The following TBC1D5 variants were observed in gnomAD, a reference collection of about 807,000 sequenced individuals.
TBC1D5 encodes the protein TBC1 domain family member 5.
A neutral mutation model predicts 100.3 loss-of-function variants in TBC1D5; 75 were observed. The observed-to-expected ratio is 0.75, with a 90% confidence interval of 0.62 to 0.91. The LOEUF (loss-of-function observed/expected upper bound fraction) is 0.91, where lower values mean the gene tolerates loss of function less well. Ranked by LOEUF, TBC1D5 falls within the 40% of genes least tolerant of loss-of-function variation. The probability of loss-of-function intolerance (pLI) is 0.00; values close to 1 mark genes in which losing one functional copy is unlikely to be tolerated. For synonymous variants in TBC1D5, 323 were observed against 325.6 expected, an observed-to-expected ratio of 0.99 and a Z score of 0.09; for missense variants, 910 against 942.4, an observed-to-expected ratio of 0.97 and a Z score of 0.45.
At chr3:17,587,318 T>C (rs2096738935) in intron 2 of TBC1D5, among the ~76,000 whole-genome samples, 1 of 152,004 alleles carries the variant, frequency 6.6e-6, no homozygotes, top group African/African-American at 2.4e-5. Flanking sequence ...CTATTAGTTC[T>C]TAAGCTTCAA....
At chr3:17,348,736 C>A (rs1367990975) in intron 13 of TBC1D5, among the ~76,000 whole-genome samples, 2 of 152,118 alleles carry the variant, frequency 1.3e-5, no homozygotes, top group Non-Finnish European at 2.9e-5. Flanking sequence ...CCCATTCCTA[C>A]CAGAGATACC....
chr3:17,275,922 T>C (rs2079951309), intron 15 of TBC1D5, among the ~76,000 whole-genome samples: 1 of 152,224 alleles, frequency 6.6e-6, no homozygotes, highest in Non-Finnish European at 1.5e-5. Flanking sequence ...TCCATGGAGA[T>C]CTATGATTCT....
At position 17,387,190 on chromosome 3, in the gene TBC1D5, G is replaced by A. The variant is rs192079669; in HGVS notation, c.510-3175C>T. 4.8e-4 allele frequency among the ~76,000 whole-genome samples: 73 copies of A among 152,214 alleles called. 1 individual carries two copies. Among genetic ancestry groups the A allele is most frequent in the Non-Finnish European group, 1.9e-4 (13 of 67,976 alleles). On this transcript the variant is annotated intron_variant, in intron 8 of 21. Coordinates refer to ENST00000253692, the Ensembl canonical transcript of TBC1D5. Reference sequence around the variant, plus strand: ...TAAAGTTTTCAAAACTATTTCAAAAGTTGGAAAAAGAACTGAAAATCAGAG... The same window carrying A: ...TAAAGTTTTCAAAACTATTTCAAAAATTGGAAAAAGAACTGAAAATCAGAG...
chr3:17,314,511 TG>T (rs2084425532), intron 13 of TBC1D5, among the ~76,000 whole-genome samples: 1 of 152,164 alleles, frequency 6.6e-6, no homozygotes, highest in Admixed American at 6.5e-5. Context: ...GTTCCCTGCA[TG>T]CCCATACCTC....
intron 1 of TBC1D5, among the ~76,000 whole-genome samples, chr3:17,678,189 C>A (rs1009042048): frequency 1.3e-5 from 2 of 152,050 alleles, no homozygotes; most frequent in Non-Finnish European, 2.9e-5. Flanking sequence ...AAAAATAAGA[C>A]AATTCCTGTT....
chr3:17,457,038 G>T (rs1349941018), intron 3 of TBC1D5, among the ~76,000 whole-genome samples: 3 of 152,012 alleles, frequency 2.0e-5, no homozygotes, highest in African/African-American at 7.2e-5. Context: ...ATTTTGGGGG[G>T]TAGAATCTTT....
At chr3:17,308,547 A>C (rs1391660427) in intron 13 of TBC1D5, among the ~76,000 whole-genome samples, 1 of 152,152 alleles carries the variant, frequency 6.6e-6, no homozygotes, top group East Asian at 1.9e-4. Context: ...CCCTTCTGCA[A>C]ATATTTGTAT....
intron 2 of TBC1D5, among the ~76,000 whole-genome samples, chr3:17,522,259 A>G (rs999472876): frequency 6.6e-6 from 1 of 152,246 alleles, no homozygotes; most frequent in African/African-American, 2.4e-5. Flanking sequence ...AGATTTGTAC[A>G]CATGTAAACT....
chr3:17,557,115 T>C (rs905897152), intron 2 of TBC1D5, among the ~76,000 whole-genome samples: 4 of 152,318 alleles, frequency 2.6e-5, no homozygotes, highest in Non-Finnish European at 2.9e-5. Flanking sequence ...GTTTAACCGA[T>C]TGGTCAAGGA....
intron 1 of TBC1D5, among the ~76,000 whole-genome samples, chr3:17,721,138 G>A (rs1333183486): frequency 6.6e-6 from 1 of 151,800 alleles, no homozygotes; most frequent in Admixed American, 6.6e-5. Context: ...ACCACACCCC[G>A]CCGAGACTGT....
At chr3:17,649,874 C>G (rs1402750472) in intron 1 of TBC1D5, among the ~76,000 whole-genome samples, 2 of 152,138 alleles carry the variant, frequency 1.3e-5, no homozygotes, top group African/African-American at 2.4e-5. Flanking sequence ...TTCACAATAG[C>G]AAAGACTTGG....
At chr3:17,207,542 C>T (rs1232557096) in intron 18 of TBC1D5, among the ~76,000 whole-genome samples, 2 of 152,084 alleles carry the variant, frequency 1.3e-5, no homozygotes, top group South Asian at 2.1e-4. Context: ...TAATTGTTAC[C>T]TCTTTAAAGA....
chr3:17,703,181 A>T (rs2073449577), intron 1 of TBC1D5, among the ~76,000 whole-genome samples: 1 of 152,128 alleles, frequency 6.6e-6, no homozygotes, highest in Admixed American at 6.6e-5. Context: ...AACCATTCTG[A>T]TATAAAGAAA....
chr3:17,182,095 T>G (rs1453255674), intron 19 of TBC1D5, among the ~76,000 whole-genome samples: 1 of 152,220 alleles, frequency 6.6e-6, no homozygotes, highest in African/African-American at 2.4e-5. Context: ...TTAATCTTCG[T>G]GTTTTCCTTG....
chr3:17,320,385 T>C (rs971118749), intron 13 of TBC1D5, among the ~76,000 whole-genome samples: 6 of 152,182 alleles, frequency 3.9e-5, no homozygotes, highest in Admixed American at 6.5e-5. Flanking sequence ...TTCAGCAATC[T>C]GTATTTTAAA....
chr3:17,191,791 T>TA lies in TBC1D5; in HGVS notation c.1753-6584dup, dbSNP rs201162506. ...GCTACCACACCCGGCTTTTTTTTTT[T>TA]AAATATATTTTTAGTAGAGATGGGG... On this transcript the variant is annotated intron_variant, in intron 18 of 21. Transcript: ENST00000253692. Among the ~76,000 whole-genome samples, 1,289 of 151,780 alleles carry TA rather than the reference T, an allele frequency of 8.5e-3. 14 individuals carry two copies. Among genetic ancestry groups the TA allele is most frequent in the African/African-American group, 0.029 (1,211 of 41,370 alleles).
intron 13 of TBC1D5, among the ~76,000 whole-genome samples, chr3:17,344,802 A>C (rs1344825650): frequency 6.6e-6 from 1 of 152,214 alleles, no homozygotes; most frequent in Non-Finnish European, 1.5e-5. Flanking sequence ...ACCTGAGAAA[A>C]ACAAGCAATG....
intron 3 of TBC1D5, among the ~76,000 whole-genome samples, chr3:17,430,287 A>C (rs1355226269): frequency 6.6e-6 from 1 of 151,760 alleles, no homozygotes; most frequent in South Asian, 2.1e-4. Flanking sequence ...TTTCTCGTTA[A>C]AACTAAAGAT....
intron 1 of TBC1D5, among the ~76,000 whole-genome samples, chr3:17,733,621 A>G (rs770963273): frequency 1.3e-5 from 2 of 152,200 alleles, no homozygotes; most frequent in Non-Finnish European, 2.9e-5. Context: ...CATTTGGTAG[A>G]GTGATTTTCC....
Sources: allele counts gnomAD v4.1 joint callset (sites outside exome capture counted in the v4.1 genomes callset), GRCh38; gene constraint gnomAD v4.1.1; transcripts MANE v1.5; gene names NCBI Gene and HGNC (gene_info 2026-07-23, HGNC 2026-07-21).